Variants in ABCC6 observed in about 807,000 individuals in gnomAD.
ABCC6 encodes the protein ATP-binding cassette sub-family C member 6.
In ABCC6, 126 loss-of-function variants were observed where a neutral mutation model predicts 169.5. The observed-to-expected ratio is 0.74, with a 90% CI of 0.64 to 0.86. The LOEUF (loss-of-function observed/expected upper bound fraction) is 0.86. Among genes scored for constraint, ABCC6 ranks in the 40% least tolerant of loss-of-function variants. The probability of loss-of-function intolerance (pLI) is 0.00; values close to 1 mark genes in which losing one functional copy is unlikely to be tolerated. For synonymous variants in ABCC6, 752 were observed against 814.7 expected (o/e 0.92, Z 1.31); for missense variants, 1,733 against 1,927.2 (o/e 0.90, Z 1.89).
rs1172625798 is a variant in ABCC6, at chr16:16,182,847, A to G, written c.2027T>C (p.Leu676Pro). ...CTCCACCTTTGACAGCTCCCCAAGG[A>G]GGGCGGACAGCAGGGAGGACTTCCC... ...GAGKSSLLSA[L>P]LGELSKVEGF... The change falls in exon 16 of 31, where the codon CTC (leucine) becomes CCC (proline). Residue 676 changes from leucine (L) to proline (P), a missense_variant. Physicochemically the swap from Leu to Pro is moderately conservative, Grantham distance 98. This residue lies in a region of ABCC6 where 1,601 missense variants were observed against 1,635.5 expected (regional missense o/e 0.98). Coordinates refer to ENST00000205557, the MANE Select transcript of ABCC6 (RefSeq NM_001171.6). The G allele has an allele frequency of 3.1e-6, 5 of 1,614,014 alleles. No homozygotes were observed. The highest frequency in any genetic ancestry group is 4.2e-6 in the Non-Finnish European group (5 of 1,179,996).
Position 16,214,612 on chromosome 16 carries a change from C to CT in ABCC6, c.475-164dup, listed in dbSNP as rs965798298. On this transcript the variant is annotated intron_variant, in intron 4 of 30. Transcript: ENST00000205557. ...CTAGTGGTTCTAATTTTCTTTCTTT[C>CT]TTTTTTTTTTAAGACAAAGTCTCAC... 3.4e-4 allele frequency among the ~76,000 whole-genome samples: 51 copies of CT among 149,006 alleles called. No individual in the cohort carries two copies. The East Asian group carries it at 4.5e-3, about 13-fold the overall frequency.
chr16:16,215,909 G>T (rs1256565331), intron 4 of ABCC6, among the ~76,000 whole-genome samples: 1 of 152,122 alleles, frequency 6.6e-6, no homozygotes, highest in Middle Eastern at 3.2e-3. Flanking sequence ...TTCTACTCTT[G>T]TAGTTATTTT....
rs2046485960 is a variant in ABCC6, at chr16:16,154,736, G to A, written c.4100C>T (p.Ser1367Leu). The A allele has an allele frequency of 5.0e-6, 8 of 1,613,082 alleles. No homozygotes were observed. The highest frequency in any genetic ancestry group is 1.3e-5 in the African/African-American group (1 of 74,914). ...RMNLDLLQEH[S>L]DEAIWAALET... ...CAGGGCTGCCCAGATAGCCTCGTCC[G>A]AGTGCTCCTGCAGCAGGTCGAGGTT... The change falls in exon 29 of 31, where the codon TCG becomes TTG. Residue 1367 changes from serine (S) to leucine (L), a missense_variant. Physicochemically the swap from Ser to Leu is moderately radical, Grantham distance 145 (BLOSUM62 -2). Around this residue, in one of 5 missense-constraint regions of ABCC6, gnomAD observed 1,601 missense variants for 1,635.5 expected, o/e 0.98. Transcript: ENST00000205557.
intron 17 of ABCC6, among the ~76,000 whole-genome samples, chr16:16,181,363 AAAAAAG>A (rs372911137): frequency 0.52 from 76,855 of 147,470 alleles, 20,464 homozygotes; most frequent in Non-Finnish European, 0.57. Context: ...AAAAAAAAAA[AAAAAAG>A]AGAAAAAGCA....
At chr16:16,151,267 G>C (rs2238473) in intron 29 of ABCC6, among the ~76,000 whole-genome samples, 23,523 of 151,912 alleles carry the variant, frequency 0.15, 2,057 homozygotes, top group African/African-American at 0.24. Flanking sequence ...TCACCATGTT[G>C]GTCCGACTTG....
At position 16,154,720 on chromosome 16, in the gene ABCC6, C is replaced by T; in HGVS notation, c.4116G>A (p.Trp1372Ter). 6.2e-7 allele frequency: 1 copy of T among 1,613,556 alleles called. No homozygotes were observed. The highest frequency in any genetic ancestry group is 8.5e-7 in the Non-Finnish European group (1 of 1,179,886). The change falls in exon 29 of 31, where the codon TGG (tryptophan) becomes TGA (stop). Residue 1372 changes from tryptophan (W) to a stop codon, truncating the protein, a stop_gained. Coordinates refer to ENST00000205557, the MANE Select transcript of ABCC6 (RefSeq NM_001171.6). LOFTEE classifies it high-confidence loss of function. ...LLQEHSDEAI[W>*]AALETVQLKA... ...TGAGCTGCACCGTCTCCAGGGCTGC[C>T]CAGATAGCCTCGTCCGAGTGCTCCT...
intron 11 of ABCC6, 31 bp downstream of exon 11, chr16:16,192,799 G>A (rs1256369416): frequency 7.6e-6 from 12 of 1,589,372 alleles, no homozygotes; most frequent in Non-Finnish European, 1.0e-5. Context: ...CCTACTTCCT[G>A]CCTGGTCCGT....
intron 8 of ABCC6, among the ~76,000 whole-genome samples, chr16:16,202,647 G>A (rs1338283474): frequency 2.6e-5 from 4 of 151,974 alleles, no homozygotes. Flanking sequence ...ACCATATGGG[G>A]ACACAGGGAG....
chr16:16,180,996 T>C (rs1348460542), intron 17 of ABCC6, among the ~76,000 whole-genome samples: 2 of 152,082 alleles, frequency 1.3e-5, no homozygotes, highest in South Asian at 2.1e-4. Flanking sequence ...GAAAGTGCTA[T>C]GAAGAATAAA....
intron 22 of ABCC6, among the ~76,000 whole-genome samples, chr16:16,168,749 C>A (rs1032141769): frequency 2.0e-5 from 3 of 152,092 alleles, no homozygotes; most frequent in Admixed American, 1.3e-4. Context: ...GGCAAACATG[C>A]GCACACCCAC....
chr16:16,216,652 G>C (rs1210663108), intron 4 of ABCC6, among the ~76,000 whole-genome samples: 1 of 149,102 alleles, frequency 6.7e-6, no homozygotes, highest in Non-Finnish European at 1.5e-5. Flanking sequence ...GGAGTGCAGA[G>C]ATCTCTTCCA....
Position 16,150,720 on chromosome 16 carries a change from G to A in ABCC6, c.4261C>T (p.Gln1421Ter). Reference protein sequence around the residue: ...CLARALLRKTQILILDEATAA... With the variant: ...CLARALLRKT ...GTAGCCTCGTCCAGGATGAGGATCT[G>A]GGTCTTCCGGAGAAGGGCACGTGCC... Residue 1421 changes from glutamine to a stop codon, truncating the protein, a stop_gained, in exon 30 of 31, where the codon CAG becomes TAG. Transcript: ENST00000205557. LOFTEE classifies it high-confidence loss of function. 6.2e-7 allele frequency: 1 copy of A among 1,613,946 alleles called. No homozygotes were observed. The highest frequency in any genetic ancestry group is 8.5e-7 in the Non-Finnish European group (1 of 1,179,978).
At chr16:16,174,755 T>C (rs1162369393) in intron 20 of ABCC6, among the ~76,000 whole-genome samples, 3 of 85,664 alleles carry the variant, frequency 3.5e-5, no homozygotes, top group Non-Finnish European at 7.3e-5. Context: ...AGATTCTGTC[T>C]CAAAACCCCC....
At chr16:16,205,422 A>G (rs1159388013) in intron 7 of ABCC6, among the ~76,000 whole-genome samples, 1 of 152,140 alleles carries the variant, frequency 6.6e-6, no homozygotes, top group African/African-American at 2.4e-5. Flanking sequence ...ATAATAAAAT[A>G]ATAATAAAAA....
At position 16,165,830 on chromosome 16, in the gene ABCC6, G is replaced by C. The variant is rs765339542; in HGVS notation, c.3099C>G (p.Ile1033Met). The C allele has an allele frequency of 6.2e-7, 1 of 1,613,518 alleles. No individual in the cohort carries two copies. The stretch of plus-strand genomic sequence containing the variant: ...CAATGGGTGTCCGCTCAAAGAAGCT[G>C]ATGGGAGATCGCACCACATCCCACA... ...RLLWDVVRSP[I>M]SFFERTPIGH... Residue 1033 changes from isoleucine to methionine, a missense_variant, in exon 23 of 31, where the codon ATC (isoleucine) becomes ATG (methionine). By Grantham distance (10) the Ile-to-Met change is conservative (BLOSUM62 1). Coordinates refer to ENST00000205557, the MANE Select transcript of ABCC6 (RefSeq NM_001171.6).
intron 9 of ABCC6, among the ~76,000 whole-genome samples, chr16:16,201,623 T>G (rs983788215): frequency 6.6e-6 from 1 of 151,936 alleles, no homozygotes; most frequent in Non-Finnish European, 1.5e-5. Context: ...AGGCTAGGAG[T>G]TCGAGACCAG....
chr16:16,213,871 A>G lies in ABCC6; in HGVS notation c.600+453T>C, dbSNP rs981668648. ...CCACTGTGACCATCCAATTTTCAAC[A>G]TATTTGTTTAATTTTGTGACCAGTG... On this transcript the variant is annotated intron_variant, in intron 5 of 30. Transcript: ENST00000205557. 1.0e-3 allele frequency among the ~76,000 whole-genome samples: 152 copies of G among 148,242 alleles called. 2 individuals are homozygous for G. The highest frequency in any genetic ancestry group is 5.9e-3 in the Admixed American group (87 of 14,770).
Position 16,178,870 on chromosome 16 carries a change from C to T in ABCC6, c.2343G>A (p.Ala781=), listed in dbSNP as rs768106519. Residue 781 remains alanine, a synonymous_variant, in exon 18 of 31, where the codon GCG becomes GCA. Coordinates refer to ENST00000205557, the MANE Select transcript of ABCC6 (RefSeq NM_001171.6). ...AAVYLLDDPL[A]ALDAHVGQHV... ...GCTGGCCAACGTGGGCATCCAGGGC[C>T]GCCAGGGGGTCATCCAGCAGGTACA... is the stretch of plus-strand genomic sequence containing the variant. 4.8e-5 allele frequency: 78 copies of T among 1,613,766 alleles called. No individual in the cohort carries two copies. Among genetic ancestry groups the T allele is most frequent in the East Asian group, 1.8e-4 (8 of 44,886 alleles).
chr16:16,187,901 A>AAT (rs1458215082), intron 13 of ABCC6, among the ~76,000 whole-genome samples: 41 of 80,454 alleles, frequency 5.1e-4, no homozygotes, highest in Non-Finnish European at 9.4e-4. Context: ...TGTCTCAATA[A>AAT]ATAAATTAAA....
Sources: allele counts gnomAD v4.1 joint callset (sites outside exome capture counted in the v4.1 genomes callset), GRCh38; gene constraint gnomAD v4.1.1; regional missense constraint gnomAD v4.1.1; transcripts MANE v1.5; gene names NCBI Gene and HGNC (gene_info 2026-07-23, HGNC 2026-07-21).